The following PLEKHA4 variants were observed in gnomAD, a reference collection of about 807,000 sequenced individuals.
PLEKHA4 encodes pleckstrin homology domain-containing family A member 4.
In PLEKHA4, 73 loss-of-function variants were observed where a neutral mutation model predicts 94.7. The observed-to-expected ratio is 0.77, with a 90% CI of 0.64 to 0.94. The LOEUF (loss-of-function observed/expected upper bound fraction) is 0.94. Among genes scored for constraint, PLEKHA4 ranks in the 40% least tolerant of loss-of-function variants. PLEKHA4 has a pLI of 0.00. For missense variants in PLEKHA4, 1,049 were observed against 1,054.1 expected (o/e 1.00, Z 0.07); for synonymous variants, 449 against 437.1 (o/e 1.03, Z -0.34).
intron 13 of PLEKHA4, among the ~76,000 whole-genome samples, chr19:48,850,668 T>A (rs1252439321): frequency 1.4e-5 from 2 of 147,030 alleles, no homozygotes; most frequent in East Asian, 4.1e-4. Context: ...AACTACAAAA[T>A]TAGCCAGACA....
At position 48,857,726 on chromosome 19, in the gene PLEKHA4, T is replaced by TA. The variant is rs1174538665; in HGVS notation, c.973-231dup. On this transcript the variant is annotated intron_variant, in intron 8 of 19. Transcript: ENST00000263265. ...AGATGCTTGAAGGCAGCATGCTCGT[T>TA]AAGAGTCATCACCACTCCCTAATCT... is the stretch of plus-strand genomic sequence containing the variant. Among the ~76,000 whole-genome samples, 689 of 151,064 alleles carry TA rather than the reference T, an allele frequency of 4.6e-3. 4 individuals are homozygous for TA. Among genetic ancestry groups the TA allele is most frequent in the African/African-American group, 0.016 (652 of 41,066 alleles).
At chr19:48,858,522 G>A (rs1022175244) in intron 8 of PLEKHA4, among the ~76,000 whole-genome samples, 2 of 151,286 alleles carry the variant, frequency 1.3e-5, no homozygotes, top group African/African-American at 4.9e-5. Flanking sequence ...AGCTACTCGG[G>A]AGGCTGAGGC....
In PLEKHA4 at chr19:48,837,260, G is replaced by T. The variant is rs113190207; in HGVS notation, c.*29C>A. 3 of 1,613,932 alleles carry T rather than the reference G, an allele frequency of 1.9e-6. No individual in the cohort carries two copies. Among genetic ancestry groups the T allele is most frequent in the East Asian group, 2.2e-5 (1 of 44,876 alleles). ...CGGTACCTCCAGACCACGTCCTCGC[G>T]CTCCGATTGGCTGCCGCTTTTGGGC... is the stretch of plus-strand genomic sequence containing the variant. On this transcript the variant is annotated 3_prime_UTR_variant, in exon 20 of 20. Coordinates refer to ENST00000263265, the MANE Select transcript of PLEKHA4 (RefSeq NM_020904.3). This position sits in a 1 kb window ranked among gnomAD's most constrained non-coding sequence, Gnocchi z 4.3.
chr19:48,863,487 G>C (rs2036722370), intron 3 of PLEKHA4, among the ~76,000 whole-genome samples: 1 of 149,672 alleles, frequency 6.7e-6, no homozygotes, highest in African/African-American at 2.5e-5. Context: ...CTGGAGTGCA[G>C]TGGCATGATC....
Position 48,867,727 on chromosome 19 carries a change from C to T in PLEKHA4, c.-6-101G>A, listed in dbSNP as rs2036883092. 8.7e-7 allele frequency: 1 copy of T among 1,149,440 alleles called. No homozygotes were observed. The highest frequency in any genetic ancestry group is 1.5e-5 in the African/African-American group (1 of 65,026). The allele number at this position is 1,149,440 out of a possible 1,614,324, so 71.2% of individuals were successfully genotyped here. The stretch of plus-strand genomic sequence containing the variant: ...GTCGGAGGAGGCTGCAGAGAAAGAG[C>T]CTGTTGTTTCGGGACTTGGGGGGCT... On this transcript the variant is annotated intron_variant, in intron 1 of 19. Transcript: ENST00000263265. This position sits in a 1 kb window ranked among gnomAD's most constrained non-coding sequence, Gnocchi z 4.7.
Position 48,847,158 on chromosome 19 carries a change from G to A in PLEKHA4, c.1566+742C>T, listed in dbSNP as rs78490767. On this transcript the variant is annotated intron_variant, in intron 14 of 19. Transcript: ENST00000263265. ...ATATAATCATATTAGGGCTGGGTGC[G>A]GTGCCTCACTCCTGTAATCCTGGCG... Among the ~76,000 whole-genome samples, 1,269 of 152,200 alleles carry A rather than the reference G, an allele frequency of 8.3e-3. 14 individuals carry two copies. Among genetic ancestry groups the A allele is most frequent in the African/African-American group, 0.025 (1,022 of 41,530 alleles).
In PLEKHA4 at chr19:48,860,189, T is replaced by G; in HGVS notation, c.476+161A>C. Reference sequence around the variant, plus strand: ...CTTAAGGGAGAAAGACTTTTGCTGATTGGAAAAGTTCCCTGGAGGTGGGGC... The same window carrying G: ...CTTAAGGGAGAAAGACTTTTGCTGAGTGGAAAAGTTCCCTGGAGGTGGGGC... On this transcript the variant is annotated intron_variant, in intron 6 of 19. Coordinates refer to ENST00000263265, the MANE Select transcript of PLEKHA4 (RefSeq NM_020904.3). 5 of 623,208 alleles carry G rather than the reference T, an allele frequency of 8.0e-6. No individual in the cohort carries two copies. The South Asian group carries it at 9.8e-5, about 12-fold the overall frequency. The allele number at this position is 623,208 out of a possible 1,614,324, so 38.6% of individuals were successfully genotyped here. A position where few individuals can be genotyped will look rare whatever the true frequency, so the allele number is the denominator to read the frequency against.
chr19:48,841,271 G>T lies in PLEKHA4; in HGVS notation c.1783C>A (p.Leu595Met), dbSNP rs2122893240. The T allele has an allele frequency of 6.2e-7, 1 of 1,613,420 alleles. No individual in the cohort carries two copies. The change falls in exon 17 of 20, where the codon CTG becomes ATG. Residue 595 changes from leucine (L) to methionine (M), a missense_variant. Coordinates refer to ENST00000263265, the MANE Select transcript of PLEKHA4 (RefSeq NM_020904.3). ...TCCTGGTTTCTGCGCATCCGCTCCAGCTGCTCCTGGGCACTCATCCGGGGC... is the reference window on the plus strand; with the variant it reads ...TCCTGGTTTCTGCGCATCCGCTCCATCTGCTCCTGGGCACTCATCCGGGGC... ...ARPRMSAQEQ[L>M]ERMRRNQECG...
At chr19:48,844,514 C>G (rs2035892325) in intron 16 of PLEKHA4, 1 of 985,226 alleles carries the variant, frequency 1.0e-6, no homozygotes, top group African/African-American at 1.7e-5. Flanking sequence ...CCAAAGACTT[C>G]TGAAAGCCAG....
Position 48,861,417 on chromosome 19 carries a change from C to A in PLEKHA4, c.350G>T (p.Arg117Leu). ...RPDGPGAPRG[R>L]RFTFTAEHPG... is the part of the protein sequence containing the mutation. ...TGGACTCACGGTGAAGGTGAAGCGC[C>A]GCCCTCGGGGGGCTCCCGGCCCATC... The change falls in exon 5 of 20, where the codon CGG becomes CTG. Residue 117 changes from arginine (R) to leucine (L), a missense_variant. Arg to Leu is a moderately radical substitution (Grantham distance 102). Coordinates refer to ENST00000263265, the MANE Select transcript of PLEKHA4 (RefSeq NM_020904.3). 6.2e-7 allele frequency: 1 copy of A among 1,613,632 alleles called. No homozygotes were observed. Among genetic ancestry groups the A allele is most frequent in the Non-Finnish European group, 8.5e-7 (1 of 1,179,960 alleles).
intron 13 of PLEKHA4, among the ~76,000 whole-genome samples, chr19:48,850,766 G>A (rs114339483): frequency 0.053 from 7,978 of 151,404 alleles, 536 homozygotes; most frequent in African/African-American, 0.16. Context: ...GCGGTGAACC[G>A]AGATTGCACC....
chr19:48,862,613 A>G (rs992446696), intron 3 of PLEKHA4, among the ~76,000 whole-genome samples: 28 of 151,912 alleles, frequency 1.8e-4, no homozygotes, highest in African/African-American at 6.5e-4. Context: ...GGTTCACGCC[A>G]TTCTCCTGCC....
At chr19:48,855,446 A>T (rs886828496) in intron 9 of PLEKHA4, among the ~76,000 whole-genome samples, 28 of 151,098 alleles carry the variant, frequency 1.9e-4, no homozygotes, top group Admixed American at 1.5e-3. Context: ...TCTACTAAAA[A>T]TACAAAACTT....
In PLEKHA4 at chr19:48,837,421, G is replaced by T. The variant is rs761203581; in HGVS notation, c.2208C>A (p.Arg736=). The change falls in exon 20 of 20, where the codon CGC becomes CGA. Residue 736 remains arginine (R), a synonymous_variant. Transcript: ENST00000263265. The surrounding 1 kb of genome is among the most constrained non-coding windows in gnomAD (Gnocchi z 4.3). ...VANSGSTGFS[R]RGSGRGGGPT... ...GACCTCCTCCACGCCCACTCCCTCG[G>T]CGAGAGAACCCCGTGGAACCCGAAT... 6.2e-7 allele frequency: 1 copy of T among 1,613,516 alleles called. No homozygotes were observed. Among genetic ancestry groups the T allele is most frequent in the African/African-American group, 1.3e-5 (1 of 75,034 alleles).
chr19:48,862,123 G>A (rs2036665211), intron 3 of PLEKHA4, among the ~76,000 whole-genome samples: 7 of 151,960 alleles, frequency 4.6e-5, no homozygotes. Flanking sequence ...TTGGGGCAAT[G>A]GAGTGGATAA....
intron 12 of PLEKHA4, among the ~76,000 whole-genome samples, chr19:48,852,593 G>A (rs1367712886): frequency 6.6e-6 from 1 of 152,086 alleles, no homozygotes; most frequent in African/African-American, 2.4e-5. Context: ...TCTCTCCTAG[G>A]TAGCAGAGTC....
chr19:48,843,217 T>G (rs2035832796), intron 16 of PLEKHA4, among the ~76,000 whole-genome samples: 2 of 152,154 alleles, frequency 1.3e-5, no homozygotes, highest in African/African-American at 2.4e-5. Flanking sequence ...TCACTCTTAT[T>G]GCCCAGGCTG....
chr19:48,849,157 C>T (rs1025394645), intron 13 of PLEKHA4, among the ~76,000 whole-genome samples: 2 of 152,032 alleles, frequency 1.3e-5, no homozygotes, highest in Non-Finnish European at 2.9e-5. Flanking sequence ...CCACCTGCCT[C>T]ATCCTCCTAA....
chr19:48,861,752 G>C, intron 3 of PLEKHA4, 60 bp from the exon 4 acceptor site: 1 of 1,453,206 alleles, frequency 6.9e-7, no homozygotes, highest in Non-Finnish European at 9.6e-7. Context: ...GGGGATGAAG[G>C]CAGTGACGAT....
Sources: gnomAD v4.1 joint callset for allele counts (sites outside exome capture counted in the v4.1 genomes callset) on GRCh38, gnomAD v4.1.1 for gene constraint, Gnocchi (gnomAD v3.1) non-coding constraint, MANE v1.5 for transcripts, NCBI Gene and HGNC (gene_info 2026-07-23, HGNC 2026-07-21) for gene names.